CHODL: variants seen among roughly 807,000 people sequenced by gnomAD.
CHODL encodes transmembrane protein MT75.
In CHODL, 29 loss-of-function variants were observed where a neutral mutation model predicts 34.5. The observed-to-expected ratio is 0.84, with a 90% CI of 0.63 to 1.15. CHODL has a LOEUF of 1.15. Ranked by LOEUF, CHODL falls within the 50% of genes most tolerant of loss-of-function variation. The pLI is 0.00. For missense variants in CHODL, 332 were observed against 332.5 expected (o/e 1.00, Z 0.01); for synonymous variants, 125 against 116.1 (o/e 1.08, Z -0.49).
intron 1 of CHODL, among the ~76,000 whole-genome samples, chr21:17,927,522 T>C (rs1273859438): frequency 1.3e-5 from 2 of 152,140 alleles, no homozygotes; most frequent in Admixed American, 1.3e-4. Flanking sequence ...AGGAGAAGGC[T>C]GGAAGATTTT....
At chr21:17,931,939 C>T (rs546373428) in intron 1 of CHODL, among the ~76,000 whole-genome samples, 3 of 152,082 alleles carry the variant, frequency 2.0e-5, no homozygotes, top group Non-Finnish European at 4.4e-5. Flanking sequence ...GCAACAAGAA[C>T]AAAAATAGAC....
intron 1 of CHODL, among the ~76,000 whole-genome samples, chr21:18,248,782 GTA>G (rs889981657): frequency 8.3e-6 from 1 of 120,352 alleles, no homozygotes; most frequent in Non-Finnish European, 1.6e-5. Flanking sequence ...ATATATGTGT[GTA>G]TATATGTATA....
chr21:18,207,171 G>A (rs2073721851), intron 2 of CHODL, among the ~76,000 whole-genome samples: 1 of 152,100 alleles, frequency 6.6e-6, no homozygotes. Context: ...TGCTGAGAAT[G>A]ATGGTTTCCA....
chr21:18,249,241 G>A (rs1229961753), intron 1 of CHODL, among the ~76,000 whole-genome samples: 1 of 149,020 alleles, frequency 6.7e-6, no homozygotes, highest in Non-Finnish European at 1.5e-5. Context: ...TCATATACAA[G>A]TAGATGGATG....
At chr21:18,057,447 A>G (rs986951106) in intron 2 of CHODL, among the ~76,000 whole-genome samples, 6 of 152,064 alleles carry the variant, frequency 3.9e-5, no homozygotes, top group Non-Finnish European at 5.9e-5. Context: ...GCCTCATTCC[A>G]TATCAACATT....
intron 2 of CHODL, among the ~76,000 whole-genome samples, chr21:18,199,320 T>A (rs1247839328): frequency 2.0e-5 from 3 of 152,158 alleles, no homozygotes; most frequent in African/African-American, 7.2e-5. Context: ...TTAATAGACT[T>A]ATTTTTTAGA....
rs114937244 is a variant in CHODL at position 18,071,813 on chromosome 21, G to A, written c.-45+43842G>A. 8.3e-3 allele frequency among the ~76,000 whole-genome samples: 1,249 copies of A among 150,970 alleles called. 22 individuals carry two copies. The highest frequency in any genetic ancestry group is 0.029 in the African/African-American group (1,177 of 41,086). On this transcript the variant is annotated intron_variant, in intron 2 of 6. Coordinates refer to the CHODL transcript ENST00000400127. The stretch of plus-strand genomic sequence containing the variant: ...ATATTTTATGTAATATTTAATATTC[G>A]AATTAAGTTTTACACTTACCAATAC...
chr21:17,957,646 G>C (rs1344678160), intron 1 of CHODL, among the ~76,000 whole-genome samples: 1 of 151,806 alleles, frequency 6.6e-6, no homozygotes, highest in Non-Finnish European at 1.5e-5. Flanking sequence ...TAACCACAAA[G>C]TGCTAAAGGA....
chr21:17,927,124 GTATATATATGTATATATGTATATATGTA>G (rs2034654604), intron 1 of CHODL, among the ~76,000 whole-genome samples: 1 of 114,630 alleles, frequency 8.7e-6, no homozygotes, highest in African/African-American at 3.9e-5. Context: ...ATGTATATAT[GTATATATATGTATATATGTATATATGTA>G]TATATATGTA....
At chr21:17,976,270 G>GAAAAAAAAAAAAAAAAAAAAAAAAA (rs71318119) in intron 1 of CHODL, among the ~76,000 whole-genome samples, 1 of 66,536 alleles carries the variant, frequency 1.5e-5, no homozygotes, top group Non-Finnish European at 3.2e-5. Context: ...GACCATCTCA[G>GAAAAAAAAAAAAAAAAAAAAAAAAA]AAAAAAAAAA....
At chr21:18,041,163 T>C (rs2146453878) in intron 2 of CHODL, among the ~76,000 whole-genome samples, 1 of 152,040 alleles carries the variant, frequency 6.6e-6, no homozygotes, top group Non-Finnish European at 1.5e-5. Flanking sequence ...ATGAAAGTCA[T>C]TTTGTTCATT....
intron 2 of CHODL, among the ~76,000 whole-genome samples, chr21:18,194,474 C>T (rs1304275690): frequency 6.6e-6 from 1 of 152,096 alleles, no homozygotes; most frequent in Non-Finnish European, 1.5e-5. Context: ...TGTCTCGCTC[C>T]TGATTTTCTC....
At chr21:18,034,900 A>C (rs747239005) in intron 2 of CHODL, among the ~76,000 whole-genome samples, 1 of 151,950 alleles carries the variant, frequency 6.6e-6, no homozygotes, top group Non-Finnish European at 1.5e-5. Context: ...TTGTTAAGGG[A>C]GTTCAGAGAG....
chr21:18,142,599 G>T (rs751504351), intron 2 of CHODL, among the ~76,000 whole-genome samples: 2 of 152,082 alleles, frequency 1.3e-5, no homozygotes, highest in Non-Finnish European at 2.9e-5. Context: ...CTTGGGTCAC[G>T]TTACCCTGAG....
chr21:17,921,258 T>A (rs1043564401), intron 1 of CHODL, among the ~76,000 whole-genome samples: 1 of 152,228 alleles, frequency 6.6e-6, no homozygotes, highest in African/African-American at 2.4e-5. Context: ...CTGGTCTTTT[T>A]GTTCTATTCA....
At chr21:18,167,228 T>TGTGG (rs1555878223) in intron 2 of CHODL, among the ~76,000 whole-genome samples, 2 of 149,034 alleles carry the variant, frequency 1.3e-5, no homozygotes, top group African/African-American at 5.0e-5. Context: ...TGTGTGTGTG[T>TGTGG]GTGTGTGTGT....
At chr21:18,127,555 A>G (rs1448603515) in intron 2 of CHODL, among the ~76,000 whole-genome samples, 1 of 152,108 alleles carries the variant, frequency 6.6e-6, no homozygotes, top group Non-Finnish European at 1.5e-5. Context: ...TAAGAAAGTA[A>G]TTGACATAAA....
chr21:17,955,006 C>T (rs2063486024), intron 1 of CHODL, among the ~76,000 whole-genome samples: 1 of 133,490 alleles, frequency 7.5e-6, no homozygotes, highest in African/African-American at 2.5e-5. Flanking sequence ...AACTGGATAG[C>T]TTATAGACAA....
chr21:18,142,987 A>T (rs940193809), intron 2 of CHODL, among the ~76,000 whole-genome samples: 6 of 152,212 alleles, frequency 3.9e-5, no homozygotes, highest in African/African-American at 1.4e-4. Flanking sequence ...ATGAGAAGAC[A>T]TAATGAGCTA....
Sources: allele counts gnomAD v4.1 joint callset (sites outside exome capture counted in the v4.1 genomes callset), GRCh38; gene constraint gnomAD v4.1.1; transcripts MANE v1.5; gene names NCBI Gene and HGNC (gene_info 2026-07-23, HGNC 2026-07-21).